The following AGK variants were observed in gnomAD, a reference collection of about 807,000 sequenced individuals.
AGK encodes the protein acylglycerol kinase, mitochondrial.
AGK carries 52 observed loss-of-function variants against 66.4 expected under a neutral mutation model. The observed-to-expected ratio is 0.78, with a 90% CI of 0.63 to 0.99. The LOEUF (loss-of-function observed/expected upper bound fraction) is 0.99. Ranked by LOEUF, AGK falls within the 50% of genes least tolerant of loss-of-function variation. The probability of loss-of-function intolerance (pLI) is 0.00; values close to 1 mark genes in which losing one functional copy is unlikely to be tolerated. For missense variants in AGK, 451 were observed against 506.6 expected, an observed-to-expected ratio of 0.89 and a Z score of 1.05; for synonymous variants, 182 against 181.1, an observed-to-expected ratio of 1.00 and a Z score of -0.04.
Position 141,651,521 on chromosome 7 carries a change from A to T in AGK, c.1047-4A>T, listed in dbSNP as rs749906492. On this transcript the variant is annotated splice_region_variant and splice_polypyrimidine_tract_variant and intron_variant, in intron 14 of 15. Coordinates refer to ENST00000649286, the MANE Select transcript of AGK (RefSeq NM_018238.4). Reference sequence around the variant, plus strand: ...CTTAAGCTTGCTTTTTCCTGTGCTCACAGAAGTCGAAAGGTGAGAAACCCC... The same window carrying T: ...CTTAAGCTTGCTTTTTCCTGTGCTCTCAGAAGTCGAAAGGTGAGAAACCCC... 2 of 1,614,052 alleles carry T rather than the reference A, an allele frequency of 1.2e-6. No individual in the cohort carries two copies. The highest frequency in any genetic ancestry group is 1.7e-6 in the Non-Finnish European group (2 of 1,180,020).
At chr7:141,634,047 G>T (rs1196805354) in intron 10 of AGK, 67 bp downstream of exon 10, 2 of 1,347,222 alleles carry the variant, frequency 1.5e-6, no homozygotes, top group South Asian at 2.3e-5. Context: ...TGCCTTTCAG[G>T]TTTTAATTCA....
chr7:141,584,429 T>C (rs978411671), intron 2 of AGK, among the ~76,000 whole-genome samples: 1 of 152,220 alleles, frequency 6.6e-6, no homozygotes, highest in African/African-American at 2.4e-5. Flanking sequence ...TAGCTTGGGC[T>C]CAGAAGCCTG....
intron 5 of AGK, among the ~76,000 whole-genome samples, chr7:141,607,319 T>C (rs1796486312): frequency 6.6e-6 from 1 of 152,190 alleles, no homozygotes; most frequent in South Asian, 2.1e-4. Context: ...TCTTTGCTAT[T>C]GTCAGTGTTT....
At chr7:141,577,846 C>A (rs1795784054) in intron 2 of AGK, among the ~76,000 whole-genome samples, 1 of 148,374 alleles carries the variant, frequency 6.7e-6, no homozygotes, top group South Asian at 2.2e-4. Flanking sequence ...TGAAACAGAG[C>A]CTCACTCTGT....
intron 15 of AGK, 53 bp downstream of exon 15, chr7:141,651,662 C>A: frequency 6.6e-7 from 1 of 1,518,680 alleles, no homozygotes; most frequent in Non-Finnish European, 9.1e-7. Context: ...CGTCATCGGC[C>A]TGCCCCTCTG....
chr7:141,653,548 A>G lies in AGK; in HGVS notation c.*624A>G, dbSNP rs1330802924. ...TGAGAGCCACCTGGGGTACATGTTG[A>G]AAACTTATTTGGGGTCTACCCCAAA... On this transcript the variant is annotated 3_prime_UTR_variant, in exon 16 of 16. Coordinates refer to ENST00000649286, the MANE Select transcript of AGK (RefSeq NM_018238.4). 6.6e-6 allele frequency: 1 copy of G among 152,228 alleles called. No homozygotes were observed. Among genetic ancestry groups the G allele is most frequent in the Admixed American group, 6.5e-5 (1 of 15,288 alleles). The allele number at this position is 152,228 out of a possible 1,614,324, so 9.4% of individuals were successfully genotyped here. A position where few individuals can be genotyped will look rare whatever the true frequency, so the allele number is the denominator to read the frequency against.
At chr7:141,562,898 G>A (rs1159083673) in intron 2 of AGK, among the ~76,000 whole-genome samples, 2 of 152,216 alleles carry the variant, frequency 1.3e-5, no homozygotes, top group East Asian at 3.9e-4. Context: ...GAGACTGTGT[G>A]CCTACAAGGT....
At chr7:141,564,429 G>A (rs777592998) in intron 2 of AGK, among the ~76,000 whole-genome samples, 41 of 152,098 alleles carry the variant, frequency 2.7e-4, no homozygotes, top group African/African-American at 9.7e-5. Flanking sequence ...CTGAGCAAAA[G>A]GAGGAAAGCC....
At chr7:141,604,164 C>T (rs989435868) in intron 5 of AGK, among the ~76,000 whole-genome samples, 15 of 151,558 alleles carry the variant, frequency 9.9e-5, no homozygotes, top group African/African-American at 3.4e-4. Flanking sequence ...TCAGTAGAAA[C>T]CACTACTCTT....
intron 2 of AGK, among the ~76,000 whole-genome samples, chr7:141,579,018 A>G (rs1393105222): frequency 6.6e-6 from 1 of 152,010 alleles, no homozygotes; most frequent in African/African-American, 2.4e-5. Context: ...GTAGTTGAGA[A>G]TGGTGAATAG....
chr7:141,561,852 G>A (rs143499157), intron 2 of AGK, among the ~76,000 whole-genome samples: 5 of 152,230 alleles, frequency 3.3e-5, no homozygotes, highest in South Asian at 2.1e-4. Flanking sequence ...CCCATGAGGC[G>A]ATATCTTGAT....
intron 2 of AGK, among the ~76,000 whole-genome samples, chr7:141,560,658 C>T (rs1795321352): frequency 6.6e-6 from 1 of 152,050 alleles, no homozygotes; most frequent in Admixed American, 6.5e-5. Flanking sequence ...TTATATCATT[C>T]TCATGCCTTT....
chr7:141,559,052 C>T (rs1215360225), intron 2 of AGK, among the ~76,000 whole-genome samples: 2 of 152,064 alleles, frequency 1.3e-5, no homozygotes, highest in Admixed American at 1.3e-4. Flanking sequence ...AATATATTGT[C>T]TCCTATTCTG....
At chr7:141,563,785 C>A (rs1050315082) in intron 2 of AGK, among the ~76,000 whole-genome samples, 2 of 152,044 alleles carry the variant, frequency 1.3e-5, no homozygotes, top group Non-Finnish European at 2.9e-5. Context: ...GATTTCTTGT[C>A]CCTTGGCTCC....
chr7:141,586,513 G>A (rs889321044), intron 2 of AGK, among the ~76,000 whole-genome samples: 1 of 152,298 alleles, frequency 6.6e-6, no homozygotes. Flanking sequence ...ACGAGTGTGT[G>A]CTGTGGGCTG....
At chr7:141,646,348 G>C (rs1455066997) in intron 13 of AGK, among the ~76,000 whole-genome samples, 1 of 151,988 alleles carries the variant, frequency 6.6e-6, no homozygotes, top group African/African-American at 2.4e-5. Context: ...CTCTCACAAA[G>C]CCAGGAATAG....
intron 5 of AGK, among the ~76,000 whole-genome samples, chr7:141,603,309 A>G (rs1283080720): frequency 2.0e-5 from 3 of 152,128 alleles, no homozygotes; most frequent in African/African-American, 7.2e-5. Context: ...TTGTATTTTG[A>G]GACTTAGGTC....
rs150094871 is a variant in AGK at position 141,600,553 on chromosome 7, A to T, written c.222-652A>T. Among the ~76,000 whole-genome samples the T allele has an allele frequency of 6.6e-5, 10 of 152,302 alleles. No individual in the cohort carries two copies. In the East Asian group the frequency reaches 1.7e-3, roughly 26 times the overall value. ...TCGTTTGTGCATTAATTCATCAGAT[A>T]CTTAGTAAGTACTTTCTAATTGTGC... On this transcript the variant is annotated intron_variant, in intron 4 of 15. Transcript: ENST00000649286.
At chr7:141,566,985 A>G (rs1254338409) in intron 2 of AGK, among the ~76,000 whole-genome samples, 2 of 152,000 alleles carry the variant, frequency 1.3e-5, no homozygotes, top group Non-Finnish European at 2.9e-5. Flanking sequence ...CTTGTATCCC[A>G]TCATCTGATT....
Sources: allele counts gnomAD v4.1 joint callset (sites outside exome capture counted in the v4.1 genomes callset), GRCh38; gene constraint gnomAD v4.1.1; transcripts MANE v1.5; gene names NCBI Gene and HGNC (gene_info 2026-07-23, HGNC 2026-07-21).